Variants in ITPR3 observed in about 807,000 individuals in gnomAD.
ITPR3 encodes inositol 1,4,5-trisphosphate-gated calcium channel ITPR3.
ITPR3 carries 173 observed loss-of-function variants against 293.2 expected under a neutral mutation model. That is an observed-to-expected ratio of 0.59 (90% confidence interval 0.52 to 0.67). The LOEUF (loss-of-function observed/expected upper bound fraction) is 0.67, where lower values mean the gene tolerates loss of function less well. ITPR3 is among the 30% of genes least tolerant of loss of function. ITPR3 has a pLI of 0.00. For missense variants in ITPR3, 2,796 were observed against 3,592.1 expected (o/e 0.78, Z 5.66); for synonymous variants, 1,295 against 1,444.4 (o/e 0.90, Z 2.35).
rs1037541808 is a variant in ITPR3 at position 33,621,511 on chromosome 6, C to T, written c.-92C>T. On this transcript the variant is annotated 5_prime_UTR_variant, in exon 1 of 58. Coordinates refer to ENST00000605930, the MANE Select transcript of ITPR3 (RefSeq NM_002224.4). This position sits in a 1 kb window ranked among gnomAD's most constrained non-coding sequence, Gnocchi z 7.7. ...GGATCCGAGGTGGGAGCGTACCCCTCCCCGCTCCCCGGACGCCTCAGTCCT... is the reference window on the plus strand; with the variant it reads ...GGATCCGAGGTGGGAGCGTACCCCTTCCCGCTCCCCGGACGCCTCAGTCCT... 5.7e-6 allele frequency: 5 copies of T among 879,698 alleles called. No individual in the cohort carries two copies. The highest frequency in any genetic ancestry group is 9.1e-6 in the Non-Finnish European group (5 of 552,210). The allele number at this position is 879,698 out of a possible 1,614,324, so 54.5% of individuals were successfully genotyped here. A position where few individuals can be genotyped will look rare whatever the true frequency, so the allele number is the denominator to read the frequency against.
intron 2 of ITPR3, among the ~76,000 whole-genome samples, chr6:33,653,226 A>T (rs988243016): frequency 2.3e-4 from 34 of 150,872 alleles, no homozygotes; most frequent in African/African-American, 7.3e-4. Context: ...ATTTTTTTAA[A>T]TTATTTTTAT....
At chr6:33,639,682 CTGGATGGGTAGATGGGTGGATGGGTGGA>C (rs1763904565) in intron 1 of ITPR3, among the ~76,000 whole-genome samples, 1 of 151,586 alleles carries the variant, frequency 6.6e-6, no homozygotes, top group South Asian at 2.1e-4. Flanking sequence ...GGAAGGGTGG[CTGGATGGGTAGATGGGTGGATGGGTGGA>C]TGGATGGGTG....
At chr6:33,622,898 C>T (rs903923319) in intron 1 of ITPR3, among the ~76,000 whole-genome samples, 9 of 152,316 alleles carry the variant, frequency 5.9e-5, no homozygotes, top group African/African-American at 2.2e-4. Flanking sequence ...ACCTGGCATT[C>T]CAGCCTGCCC....
intron 7 of ITPR3, among the ~76,000 whole-genome samples, chr6:33,660,022 A>G (rs1364593492): frequency 6.6e-6 from 1 of 151,932 alleles, no homozygotes; most frequent in Non-Finnish European, 1.5e-5. Context: ...GCTCTGGGAG[A>G]GAAGGGAGGC....
chr6:33,664,820 C>T lies in ITPR3; in HGVS notation c.1149-50C>T, dbSNP rs371216526. 795 of 1,521,084 alleles carry T rather than the reference C, an allele frequency of 5.2e-4. 1 individual carries two copies. Among genetic ancestry groups the T allele is most frequent in the Non-Finnish European group, 6.6e-4 (726 of 1,101,356 alleles). The allele number at this position is 1,521,084 out of a possible 1,614,324, so 94.2% of individuals were successfully genotyped here. A position where few individuals can be genotyped will look rare whatever the true frequency, so the allele number is the denominator to read the frequency against. ...GGAGGTAGGCCGGCAGGCAGCATGACGTGCTCTGTGGTGCACTCCCCGAGT... is the reference window on the plus strand; with the variant it reads ...GGAGGTAGGCCGGCAGGCAGCATGATGTGCTCTGTGGTGCACTCCCCGAGT... On this transcript the variant is annotated intron_variant, in intron 11 of 57. Coordinates refer to ENST00000605930, the MANE Select transcript of ITPR3 (RefSeq NM_002224.4). This position sits in a 1 kb window ranked among gnomAD's most constrained non-coding sequence, Gnocchi z 4.4.
intron 8 of ITPR3, 23 bp from the exon 9 acceptor site, chr6:33,662,888 G>C: frequency 1.9e-6 from 3 of 1,569,250 alleles, no homozygotes; most frequent in Non-Finnish European, 2.6e-6. Context: ...TCTCCTTCCT[G>C]CCTCACACCT....
At chr6:33,661,939 T>C (rs930859119) in intron 7 of ITPR3, among the ~76,000 whole-genome samples, 4 of 130,042 alleles carry the variant, frequency 3.1e-5, no homozygotes, top group African/African-American at 1.2e-4. Flanking sequence ...AAGGTTGCAG[T>C]GAGCCAAGAT....
Position 33,670,265 on chromosome 6 carries a change from A to C in ITPR3, c.2190-60A>C. 1.3e-6 allele frequency: 2 copies of C among 1,596,850 alleles called. No individual in the cohort carries two copies. The highest frequency in any genetic ancestry group is 2.2e-5 in the South Asian group (2 of 89,986). On this transcript the variant is annotated intron_variant, in intron 18 of 57. Coordinates refer to ENST00000605930, the MANE Select transcript of ITPR3 (RefSeq NM_002224.4). The surrounding 1 kb of genome is among the most constrained non-coding windows in gnomAD (Gnocchi z 6.7). ...TGAGTCCTCACCAAGTCTAGTGCCC[A>C]GTGCCAGCAGCCTCCCGGCTGCCAT... is the stretch of plus-strand genomic sequence containing the variant.
At position 33,684,210 on chromosome 6, in the gene ITPR3, G is replaced by A. The variant is rs570948444; in HGVS notation, c.4937+42G>A. On this transcript the variant is annotated intron_variant, in intron 36 of 57. Coordinates refer to ENST00000605930, the MANE Select transcript of ITPR3 (RefSeq NM_002224.4). The surrounding 1 kb of genome is among the most constrained non-coding windows in gnomAD (Gnocchi z 4.2). ...GGCATGGGGGCAGCAGGGGTGCAGC[G>A]GCAGGGGACAGAGAAGGGCCCGGTG... 28 of 1,604,190 alleles carry A rather than the reference G, an allele frequency of 1.7e-5. No homozygotes were observed. The highest frequency in any genetic ancestry group is 2.2e-5 in the Non-Finnish European group (26 of 1,176,792).
At chr6:33,643,384 G>C (rs1763992830) in intron 2 of ITPR3, among the ~76,000 whole-genome samples, 1 of 152,124 alleles carries the variant, frequency 6.6e-6, no homozygotes. Context: ...CTCCTTGCTT[G>C]TGGCTTCAGC....
chr6:33,663,622 T>C (rs1764534317), intron 10 of ITPR3, 72 bp downstream of exon 10: 1 of 1,603,598 alleles, frequency 6.2e-7, no homozygotes, highest in Non-Finnish European at 8.5e-7. Flanking sequence ...GGGGAGGCCG[T>C]GAAAACCTGG....
chr6:33,686,602 CAT>C (rs1161018090), intron 43 of ITPR3, 83 bp downstream of exon 43: 3 of 1,005,558 alleles, frequency 3.0e-6, no homozygotes, highest in East Asian at 2.4e-5. Context: ...GTCAAGTGTA[CAT>C]AGTGGTGTGT....
Position 33,673,620 on chromosome 6 carries a change from C to A in ITPR3, c.2958C>A (p.Arg986=), listed in dbSNP as rs1167073305. Residue 986 remains arginine (R), a synonymous_variant, in exon 23 of 58, where the codon CGC becomes CGA. Coordinates refer to ENST00000605930, the MANE Select transcript of ITPR3 (RefSeq NM_002224.4). ...TCCTCAATGTCCGCCTGGATTACCG[C>A]ATATCCTACCTGCTGTCTGTCTTCA... ...QFILNVRLDY[R]ISYLLSVFKK... 3 of 1,614,194 alleles carry A rather than the reference C, an allele frequency of 1.9e-6. No homozygotes were observed.
chr6:33,679,086 G>A lies in ITPR3; in HGVS notation c.3972+247G>A, dbSNP rs1314642829. Among the ~76,000 whole-genome samples, 3 of 152,204 alleles carry A rather than the reference G, an allele frequency of 2.0e-5. No homozygotes were observed. The highest frequency in any genetic ancestry group is 2.9e-5 in the Non-Finnish European group (2 of 68,034). On this transcript the variant is annotated intron_variant, in intron 30 of 57. Coordinates refer to ENST00000605930, the MANE Select transcript of ITPR3 (RefSeq NM_002224.4). The surrounding 1 kb of genome is among the most constrained non-coding windows in gnomAD (Gnocchi z 4.2). Reference sequence around the variant, plus strand: ...GGCACCTAGCAGAACTCAGACAACAGGCCAGAAAGAAATCAAGCATGCATT... The same window carrying A: ...GGCACCTAGCAGAACTCAGACAACAAGCCAGAAAGAAATCAAGCATGCATT...
chr6:33,640,816 C>T (rs1031779520), intron 2 of ITPR3, among the ~76,000 whole-genome samples: 4 of 152,258 alleles, frequency 2.6e-5, no homozygotes, highest in African/African-American at 7.2e-5. Flanking sequence ...CCATTCTCCC[C>T]CCAAAATCCC....
chr6:33,625,473 C>T (rs1763528931), intron 1 of ITPR3, among the ~76,000 whole-genome samples: 1 of 152,186 alleles, frequency 6.6e-6, no homozygotes, highest in African/African-American at 2.4e-5. Context: ...AGATGATCCG[C>T]CTGCCTCGGC....
In ITPR3 at chr6:33,667,955, G is replaced by A. The variant is rs772733698; in HGVS notation, c.1877G>A (p.Arg626Gln). The A allele has an allele frequency of 1.3e-5, 21 of 1,613,974 alleles. No individual in the cohort carries two copies. The highest frequency in any genetic ancestry group is 4.5e-5 in the East Asian group (2 of 44,892). ...ETFVSLVRKN[R>Q]EPRFLDYLSD... ...TTCGTCAGCCTTGTGCGCAAGAACC[G>A]GGAGCCCAGGTGGGCCCGAACCCCC... The change falls in exon 16 of 58, where the codon CGG becomes CAG. Residue 626 changes from arginine to glutamine, a missense_variant. Arg to Gln is a conservative substitution (Grantham distance 43). Coordinates refer to ENST00000605930, the MANE Select transcript of ITPR3 (RefSeq NM_002224.4). This position sits in a 1 kb window ranked among gnomAD's most constrained non-coding sequence, Gnocchi z 4.4.
At position 33,687,138 on chromosome 6, in the gene ITPR3, CA is replaced by C; in HGVS notation, c.6075+35del. ...GGGCAGGTGGGCAGGCGGGCGGAAC[CA>C]GGTGGAGTGTGTTGGGATGGGGATG... On this transcript the variant is annotated intron_variant, in intron 44 of 57. Coordinates refer to ENST00000605930, the MANE Select transcript of ITPR3 (RefSeq NM_002224.4). This position sits in a 1 kb window ranked among gnomAD's most constrained non-coding sequence, Gnocchi z 5.3. The C allele has an allele frequency of 3.1e-6, 5 of 1,607,968 alleles. No homozygotes were observed. Among genetic ancestry groups the C allele is most frequent in the Non-Finnish European group, 4.3e-6 (5 of 1,175,024 alleles).
In ITPR3 at chr6:33,694,977, T is replaced by C. The variant is rs748458459; in HGVS notation, c.7839T>C (p.Asn2613=). The change falls in exon 57 of 58, where the codon AAT becomes AAC. Residue 2613 remains asparagine, a synonymous_variant. Coordinates refer to ENST00000605930, the MANE Select transcript of ITPR3 (RefSeq NM_002224.4). ...TGCGGGCCATGTCCCTTGTCAGCAA[T>C]GAGGGCGAGGGGGAGCAGAATGAGA... The part of the protein sequence containing the change: ...PRMRAMSLVS[N]EGEGEQNEIR... 3 of 1,614,108 alleles carry C rather than the reference T, an allele frequency of 1.9e-6. No homozygotes were observed. Among genetic ancestry groups the C allele is most frequent in the Admixed American group, 1.7e-5 (1 of 60,022 alleles).
Sources: allele counts gnomAD v4.1 joint callset (sites outside exome capture counted in the v4.1 genomes callset), GRCh38; gene constraint gnomAD v4.1.1; non-coding constraint Gnocchi (gnomAD v3.1); transcripts MANE v1.5; gene names NCBI Gene and HGNC (gene_info 2026-07-23, HGNC 2026-07-21).